Variants in BACE2 observed in about 807,000 individuals in gnomAD.
The protein encoded by BACE2 is 56 kDa aspartic-like protease.
A neutral mutation model predicts 46.2 loss-of-function variants in BACE2; 17 were observed. That is an observed-to-expected ratio of 0.37 (90% CI 0.25 to 0.55). The LOEUF is 0.55. BACE2 is among the 20% of genes least tolerant of loss of function. The pLI, the probability that BACE2 is intolerant of heterozygous loss-of-function variation, is 0.82. For missense variants in BACE2, 595 were observed against 698.1 expected (o/e 0.85, Z 1.66); for synonymous variants, 277 against 295.9 (o/e 0.94, Z 0.66).
chr21:41,179,707 C>G (rs1985036487), intron 1 of BACE2: 1 of 1,262,088 alleles, frequency 7.9e-7, no homozygotes, highest in Non-Finnish European at 1.1e-6. Context: ...TTGTGCTTCC[C>G]TGCTTACAGG....
intron 1 of BACE2, among the ~76,000 whole-genome samples, chr21:41,221,261 G>A (rs1403386982): frequency 6.6e-6 from 1 of 152,146 alleles, no homozygotes; most frequent in Non-Finnish European, 1.5e-5. Flanking sequence ...CCTGGCAGAT[G>A]CCCAGGACTG....
chr21:41,198,180 A>T (rs1985808210), intron 1 of BACE2, among the ~76,000 whole-genome samples: 1 of 151,860 alleles, frequency 6.6e-6, no homozygotes, highest in African/African-American at 2.4e-5. Context: ...TTAGTAGAGG[A>T]GGGTTTTGTC....
chr21:41,198,817 T>C (rs1015906660), intron 1 of BACE2, among the ~76,000 whole-genome samples: 1 of 152,114 alleles, frequency 6.6e-6, no homozygotes, highest in South Asian at 2.1e-4. Flanking sequence ...TCTAGGCAAC[T>C]TGGGTGATGT....
intron 8 of BACE2, among the ~76,000 whole-genome samples, chr21:41,267,685 C>A (rs533314108): frequency 6.1e-4 from 93 of 152,128 alleles, no homozygotes; most frequent in Non-Finnish European, 1.2e-3. Context: ...TCAAAAGATA[C>A]CAAAGCCAGG....
In BACE2 at chr21:41,179,288, G is replaced by A. The variant is rs201399226; in HGVS notation, c.312+10713G>A. ...AGGGTGAGGAGTGAGGGAGTCCAGGGTGAGGATTGAGGGTGTCAGGGTGAG... is the reference window on the plus strand; with the variant it reads ...AGGGTGAGGAGTGAGGGAGTCCAGGATGAGGATTGAGGGTGTCAGGGTGAG... On this transcript the variant is annotated intron_variant, in intron 1 of 8. Coordinates refer to ENST00000330333, the MANE Select transcript of BACE2 (RefSeq NM_012105.5). The A allele has an allele frequency of 1.3e-4, 172 of 1,301,980 alleles. 1 individual carries two copies. The highest frequency in any genetic ancestry group is 3.0e-4 in the African/African-American group (19 of 62,826). 80.7% of individuals were successfully genotyped at this position (1,301,980 alleles called of 1,614,324 possible).
At chr21:41,251,669 T>C (rs1987642818) in intron 7 of BACE2, among the ~76,000 whole-genome samples, 1 of 151,880 alleles carries the variant, frequency 6.6e-6, no homozygotes, top group African/African-American at 2.4e-5. Flanking sequence ...GGCGTGATGG[T>C]GCATGCCTGT....
intron 1 of BACE2, among the ~76,000 whole-genome samples, chr21:41,207,219 G>C (rs1026825596): frequency 8.5e-5 from 13 of 152,174 alleles, no homozygotes; most frequent in Non-Finnish European, 5.9e-5. Flanking sequence ...GGTTCTTAGG[G>C]GTTCTTTCGG....
intron 1 of BACE2, among the ~76,000 whole-genome samples, chr21:41,197,988 ATTTATT>A (rs1416979300): frequency 6.6e-6 from 1 of 152,082 alleles, no homozygotes; most frequent in Non-Finnish European, 1.5e-5. Context: ...ACTCAAAAAT[ATTTATT>A]TTTATTTTTA....
rs781596817 is a variant in BACE2, at chr21:41,237,583, G to C, written c.472G>C (p.Val158Leu). The C allele has an allele frequency of 1.2e-6, 2 of 1,614,222 alleles. No homozygotes were observed. The highest frequency in any genetic ancestry group is 1.7e-6 in the Non-Finnish European group (2 of 1,180,032). The change falls in exon 3 of 9, where the codon GTT (valine) becomes CTT (leucine). Residue 158 changes from valine (V) to leucine (L), a missense_variant. Transcript: ENST00000330333. ...KYTQGSWTGF[V>L]GEDLVTIPKG... ...CACACAAGGAAGCTGGACGGGCTTCGTTGGGGAAGACCTCGTCACCATCCC... is the reference window on the plus strand; with the variant it reads ...CACACAAGGAAGCTGGACGGGCTTCCTTGGGGAAGACCTCGTCACCATCCC...
chr21:41,257,239 G>A lies in BACE2; in HGVS notation c.1216G>A (p.Val406Met). 3 of 1,614,206 alleles carry A rather than the reference G, an allele frequency of 1.9e-6. No homozygotes were observed. The highest frequency in any genetic ancestry group is 1.7e-6 in the Non-Finnish European group (2 of 1,180,040). Residue 406 changes from valine to methionine, a missense_variant, in exon 8 of 9, where the codon GTG becomes ATG. Physicochemically the swap from Val to Met is conservative, Grantham distance 21 (BLOSUM62 1). Coordinates refer to ENST00000330333, the MANE Select transcript of BACE2 (RefSeq NM_012105.5). ...CATTTCCCCATCCACAAATGCGCTGGTGATCGGTGCCACGGTGATGGAGGG... is the reference window on the plus strand; with the variant it reads ...CATTTCCCCATCCACAAATGCGCTGATGATCGGTGCCACGGTGATGGAGGG... Reference protein sequence around the residue: ...FGISPSTNALVIGATVMEGFY... With the variant: ...FGISPSTNALMIGATVMEGFY...
intron 1 of BACE2, among the ~76,000 whole-genome samples, chr21:41,223,436 G>A (rs1986717126): frequency 6.6e-6 from 1 of 152,008 alleles, no homozygotes; most frequent in Admixed American, 6.5e-5. Flanking sequence ...GTGGGGCCAT[G>A]CATCCTCTGA....
intron 1 of BACE2, among the ~76,000 whole-genome samples, chr21:41,196,170 T>A (rs62217947): frequency 1.7e-3 from 254 of 152,212 alleles, no homozygotes; most frequent in Non-Finnish European, 2.8e-3. Context: ...TGGTGGTCCA[T>A]GCCTGTAGTC....
In BACE2 at chr21:41,186,153, ACT is replaced by A. The variant is rs1390931886; in HGVS notation, c.312+17582_312+17583del. The A allele has an allele frequency of 2.6e-5, 4 of 152,002 alleles. No individual in the cohort carries two copies. In the East Asian group the frequency reaches 7.8e-4, roughly 29 times the overall value. The allele number at this position is 152,002 out of a possible 1,614,324, so 9.4% of individuals were successfully genotyped here. A position where few individuals can be genotyped will look rare whatever the true frequency, so the allele number is the denominator to read the frequency against. On this transcript the variant is annotated intron_variant, in intron 1 of 8. Transcript: ENST00000330333. ...ATTACTGGGGGAGGGTGCAAAGGGG[ACT>A]CTCACCCATCCACAGAAGACAAAAT...
At chr21:41,248,165 G>A (rs377599582) in intron 6 of BACE2, among the ~76,000 whole-genome samples, 49 of 152,222 alleles carry the variant, frequency 3.2e-4, no homozygotes, top group African/African-American at 1.2e-3. Flanking sequence ...CGCAGTGCCC[G>A]CTTGGCTCAG....
intron 8 of BACE2, among the ~76,000 whole-genome samples, chr21:41,264,511 C>T (rs182881478): frequency 2.6e-5 from 4 of 151,884 alleles, no homozygotes; most frequent in African/African-American, 7.3e-5. Context: ...TTCTGCTTCT[C>T]GGGAGGCCTC....
intron 2 of BACE2, chr21:41,230,021 T>C (rs1055826408): frequency 6.6e-6 from 1 of 152,248 alleles, no homozygotes; most frequent in Admixed American, 6.5e-5. Flanking sequence ...TTTCACCCCA[T>C]TGCCACTTCC....
At chr21:41,190,992 C>G (rs542735213) in intron 1 of BACE2, among the ~76,000 whole-genome samples, 6 of 152,276 alleles carry the variant, frequency 3.9e-5, no homozygotes, top group Admixed American at 3.3e-4. Flanking sequence ...GAACTAAGAC[C>G]TCTAGACCAA....
rs962886193 is a variant in BACE2, at chr21:41,176,388, T to C, written c.312+7813T>C. On this transcript the variant is annotated intron_variant, in intron 1 of 8. Coordinates refer to ENST00000330333, the MANE Select transcript of BACE2 (RefSeq NM_012105.5). ...AATACCTTGCAGAAGGGCCTAGAAATAGAGATTCCCATATGCAGTCCAGAC... is the reference window on the plus strand; with the variant it reads ...AATACCTTGCAGAAGGGCCTAGAAACAGAGATTCCCATATGCAGTCCAGAC... The C allele has an allele frequency of 2.6e-4, 40 of 152,152 alleles. 1 individual carries two copies. The highest frequency in any genetic ancestry group is 3.4e-3 in the Middle Eastern group (1 of 294). 9.4% of individuals were successfully genotyped at this position (152,152 alleles called of 1,614,324 possible). A position where few individuals can be genotyped will look rare whatever the true frequency, so the allele number is the denominator to read the frequency against.
intron 6 of BACE2, among the ~76,000 whole-genome samples, chr21:41,246,808 A>G (rs56179429): frequency 1.7e-3 from 264 of 152,276 alleles, no homozygotes; most frequent in African/African-American, 6.0e-3. Flanking sequence ...AGTTTTTGCC[A>G]CTTTTAGCTG....
Sources: gnomAD v4.1 joint callset for allele counts (sites outside exome capture counted in the v4.1 genomes callset) on GRCh38, gnomAD v4.1.1 for gene constraint, MANE v1.5 for transcripts, NCBI Gene and HGNC (gene_info 2026-07-23, HGNC 2026-07-21) for gene names.